The following STX18 variants were observed in gnomAD, a reference collection of about 807,000 sequenced individuals.
The protein encoded by STX18 is syntaxin-18.
In STX18, 40 loss-of-function variants were observed where a neutral mutation model predicts 50.1. The observed-to-expected ratio is 0.80, with a 90% CI of 0.62 to 1.04. The LOEUF (loss-of-function observed/expected upper bound fraction) is 1.04. Ranked by LOEUF, STX18 falls within the 50% of genes least tolerant of loss-of-function variation. STX18 has a pLI of 0.00. For missense variants in STX18, 410 were observed against 415.8 expected, an observed-to-expected ratio of 0.99 and a Z score of 0.12; for synonymous variants, 158 against 151.8, an observed-to-expected ratio of 1.04 and a Z score of -0.30.
intron 1 of STX18, among the ~76,000 whole-genome samples, chr4:4,497,065 G>C (rs561067678): frequency 6.6e-6 from 1 of 152,318 alleles, no homozygotes; most frequent in African/African-American, 2.4e-5. Context: ...AGTTTGTGAG[G>C]ATGATGGCTC....
chr4:4,440,458 A>T (rs1726047663), intron 5 of STX18, among the ~76,000 whole-genome samples: 2 of 152,218 alleles, frequency 1.3e-5, no homozygotes, highest in Non-Finnish European at 2.9e-5. Context: ...ACCTCAGGGA[A>T]CCTAGCTCTG....
chr4:4,533,886 T>C (rs1425993109), intron 1 of STX18, among the ~76,000 whole-genome samples: 1 of 152,206 alleles, frequency 6.6e-6, no homozygotes, highest in African/African-American at 2.4e-5. Context: ...CAACTATCCC[T>C]GAGAATCATG....
intron 5 of STX18, among the ~76,000 whole-genome samples, chr4:4,439,803 G>A (rs1726012819): frequency 6.6e-6 from 1 of 152,004 alleles, no homozygotes; most frequent in Admixed American, 6.6e-5. Flanking sequence ...CTCTTCCCAG[G>A]GCATCGTCTT....
intron 5 of STX18, among the ~76,000 whole-genome samples, chr4:4,439,462 C>G (rs981554658): frequency 1.6e-4 from 20 of 126,776 alleles, no homozygotes; most frequent in African/African-American, 6.1e-4. Context: ...ACACATATAT[C>G]TACATACACA....
At chr4:4,491,015 G>A (rs1577370109) in intron 1 of STX18, among the ~76,000 whole-genome samples, 1 of 151,870 alleles carries the variant, frequency 6.6e-6, no homozygotes, top group African/African-American at 2.4e-5. Flanking sequence ...AAGCAACGTG[G>A]TCCAAATGTA....
chr4:4,455,762 T>C (rs2108813606), intron 5 of STX18, among the ~76,000 whole-genome samples: 1 of 152,326 alleles, frequency 6.6e-6, no homozygotes, highest in East Asian at 1.9e-4. Flanking sequence ...TCACGTGTTG[T>C]CATAGGTCAC....
intron 1 of STX18, among the ~76,000 whole-genome samples, chr4:4,503,067 A>C (rs1278666755): frequency 6.6e-6 from 1 of 152,204 alleles, no homozygotes; most frequent in Non-Finnish European, 1.5e-5. Flanking sequence ...CAACAAAATT[A>C]ATAGAGAATC....
At chr4:4,457,641 T>A in intron 3 of STX18, 141 bp from the exon 4 acceptor site, 1 of 647,340 alleles carries the variant, frequency 1.5e-6, no homozygotes. Context: ...CAAGTGACAC[T>A]ACATTTTTAA....
intron 1 of STX18, among the ~76,000 whole-genome samples, chr4:4,500,977 C>T (rs1729427497): frequency 1.3e-5 from 2 of 152,180 alleles, no homozygotes; most frequent in South Asian, 2.1e-4. Context: ...AAGGAGGTAG[C>T]AGTGAGCCGA....
chr4:4,520,980 T>C (rs1577397678), intron 1 of STX18, among the ~76,000 whole-genome samples: 1 of 152,334 alleles, frequency 6.6e-6, no homozygotes, highest in East Asian at 1.9e-4. Flanking sequence ...CCAAAAAGAC[T>C]TGAACAATCT....
intron 1 of STX18, among the ~76,000 whole-genome samples, chr4:4,492,226 G>A (rs1483442540): frequency 6.6e-6 from 1 of 151,976 alleles, no homozygotes; most frequent in African/African-American, 2.4e-5. Context: ...TGCATAAAAT[G>A]CTCTTTATTT....
chr4:4,498,381 G>A (rs1729283613), intron 1 of STX18, among the ~76,000 whole-genome samples: 1 of 152,134 alleles, frequency 6.6e-6, no homozygotes, highest in African/African-American at 2.4e-5. Context: ...TATCAGAAAG[G>A]TGTCCCTATT....
chr4:4,426,348 A>C (rs1272705295), intron 7 of STX18: 1 of 152,226 alleles, frequency 6.6e-6, no homozygotes, highest in Non-Finnish European at 1.5e-5. Flanking sequence ...TTTCTGAGGC[A>C]TTCTGTAAGC....
intron 1 of STX18, among the ~76,000 whole-genome samples, chr4:4,502,335 T>C (rs111679260): frequency 1.1e-4 from 16 of 152,136 alleles, no homozygotes; most frequent in African/African-American, 3.6e-4. Flanking sequence ...AACAATGTAA[T>C]TGGGAAAACA....
chr4:4,422,151 TAG>T (rs956267504), intron 9 of STX18, among the ~76,000 whole-genome samples: 26 of 152,272 alleles, frequency 1.7e-4, no homozygotes, highest in Admixed American at 9.8e-4. Context: ...CACCCCTTTT[TAG>T]AGAGTCTCAA....
chr4:4,517,769 T>C (rs1730341556), intron 1 of STX18, among the ~76,000 whole-genome samples: 1 of 151,070 alleles, frequency 6.6e-6, no homozygotes, highest in Non-Finnish European at 1.5e-5. Flanking sequence ...TTATAAGTGT[T>C]TTTTTTTTCT....
At chr4:4,530,947 T>C (rs1342430337) in intron 1 of STX18, among the ~76,000 whole-genome samples, 1 of 152,190 alleles carries the variant, frequency 6.6e-6, no homozygotes, top group South Asian at 2.1e-4. Context: ...TTCTACAAAG[T>C]ATGTCAACAT....
intron 5 of STX18, among the ~76,000 whole-genome samples, chr4:4,448,738 A>T (rs1217740700): frequency 6.6e-6 from 1 of 152,188 alleles, no homozygotes; most frequent in African/African-American, 2.4e-5. Context: ...GAGATCACCC[A>T]TGAGAAAGTG....
intron 6 of STX18, among the ~76,000 whole-genome samples, chr4:4,437,377 C>G (rs945081506): frequency 6.6e-5 from 10 of 152,158 alleles, no homozygotes; most frequent in African/African-American, 2.4e-4. Flanking sequence ...TGTGAGCTCC[C>G]TGAGGGCAGG....
Sources: gnomAD v4.1 joint callset for allele counts (sites outside exome capture counted in the v4.1 genomes callset) on GRCh38, gnomAD v4.1.1 for gene constraint, MANE v1.5 for transcripts, NCBI Gene and HGNC (gene_info 2026-07-23, HGNC 2026-07-21) for gene names.